NFATC1: variants seen among roughly 807,000 people sequenced by gnomAD.
NFATC1 encodes nuclear factor of activated T-cells, cytoplasmic 1.
Under a neutral mutation model 76.0 loss-of-function variants are expected in NFATC1, and 22 were observed. The ratio of observed to expected loss-of-function variants is 0.29; its 90% CI spans 0.21 to 0.41. The LOEUF (loss-of-function observed/expected upper bound fraction) is 0.41, where lower values mean the gene tolerates loss of function less well. NFATC1 is among the 10% of genes least tolerant of loss of function. The pLI is 1.00. For synonymous variants in NFATC1, 704 were observed against 613.1 expected (o/e 1.15, Z -2.19); for missense variants, 1,357 against 1,337.7 (o/e 1.01, Z -0.23).
At chr18:79,484,154 T>C (rs796713398) in intron 8 of NFATC1, among the ~76,000 whole-genome samples, 24 of 152,106 alleles carry the variant, frequency 1.6e-4, no homozygotes, top group African/African-American at 5.5e-4. Context: ...TCCCCTGCCC[T>C]GGGCACCACT....
chr18:79,473,177 A>G (rs1240119339), intron 8 of NFATC1, among the ~76,000 whole-genome samples: 1 of 152,232 alleles, frequency 6.6e-6, no homozygotes, highest in Non-Finnish European at 1.5e-5. Flanking sequence ...AGGGGTGAGA[A>G]TTCTGGGAGC....
rs138895324 is a variant in NFATC1 at position 79,481,251 on chromosome 18, G to A, written c.2093-4997G>A. ...GGGGCAGTTCCTGAGGCCCAGCTGCGTCCGCAGAGCTGGGGGCGCCATGGC... is the reference window on the plus strand; with the variant it reads ...GGGGCAGTTCCTGAGGCCCAGCTGCATCCGCAGAGCTGGGGGCGCCATGGC... On this transcript the variant is annotated intron_variant, in intron 8 of 9. Coordinates refer to ENST00000427363, the MANE Select transcript of NFATC1 (RefSeq NM_001278669.2). 1.6e-4 allele frequency among the ~76,000 whole-genome samples: 24 copies of A among 152,368 alleles called. No individual in the cohort carries two copies. In the East Asian group the frequency reaches 3.9e-3, roughly 25 times the overall value.
chr18:79,402,046 A>G (rs2085280881), intron 1 of NFATC1, among the ~76,000 whole-genome samples: 1 of 152,198 alleles, frequency 6.6e-6, no homozygotes. Flanking sequence ...GCTGTGCCAC[A>G]CTGGGCACTG....
Position 79,404,353 on chromosome 18 carries a change from G to A in NFATC1, c.128-6050G>A, listed in dbSNP as rs191122153. On this transcript the variant is annotated intron_variant, in intron 1 of 9. Transcript: ENST00000427363. ...GCTGGCAGATTGTTGGGGGAACGGC[G>A]TCTGGGAAGCTGTTGCTGTCTGTCA... is the stretch of plus-strand genomic sequence containing the variant. Among the ~76,000 whole-genome samples the A allele has an allele frequency of 6.6e-5, 10 of 152,356 alleles. No individual in the cohort carries two copies. The East Asian group carries it at 9.6e-4, about 15-fold the overall frequency.
chr18:79,521,000 TG>T (rs1227700152), intron 9 of NFATC1, among the ~76,000 whole-genome samples: 15 of 28,644 alleles, frequency 5.2e-4, no homozygotes, highest in Admixed American at 1.1e-3. Context: ...TCTGTGTGTG[TG>T]GGGGGGGGCA....
intron 2 of NFATC1, 35 bp downstream of exon 2, chr18:79,411,536 AGGGGAGGCGC>A (rs2085683733): frequency 1.6e-6 from 2 of 1,262,000 alleles, no homozygotes; most frequent in Non-Finnish European, 2.1e-6. Flanking sequence ...CGGGGAGGCG[AGGGGAGGCGC>A]GGGGCGGGGC....
chr18:79,504,853 C>T (rs1297701027), intron 9 of NFATC1, among the ~76,000 whole-genome samples: 2 of 137,534 alleles, frequency 1.5e-5, no homozygotes, highest in African/African-American at 5.8e-5. Flanking sequence ...GTGCTGGAGG[C>T]CCTTGGGTGA....
intron 9 of NFATC1, among the ~76,000 whole-genome samples, chr18:79,499,973 A>G (rs983410942): frequency 1.1e-4 from 16 of 152,204 alleles, no homozygotes; most frequent in Non-Finnish European, 2.4e-4. Context: ...CCCATAATAC[A>G]TGAAACAAGA....
At chr18:79,514,330 C>T (rs1279573046) in intron 9 of NFATC1, among the ~76,000 whole-genome samples, 3 of 151,978 alleles carry the variant, frequency 2.0e-5, no homozygotes, top group African/African-American at 7.2e-5. Flanking sequence ...GTCCCAGCTA[C>T]TTGAGAGGCT....
At chr18:79,498,077 G>GA (rs1241882081) in intron 9 of NFATC1, 1 of 130,822 alleles carries the variant, frequency 7.6e-6, no homozygotes, top group Non-Finnish European at 1.6e-5. Context: ...GGGGGGGGGG[G>GA]AATCTCATTT....
chr18:79,459,207 C>T (rs371119604), intron 6 of NFATC1, among the ~76,000 whole-genome samples: 4 of 152,380 alleles, frequency 2.6e-5, no homozygotes, highest in Admixed American at 1.3e-4. Context: ...GAGGCTGCTC[C>T]ATGGCAGCTG....
At chr18:79,438,511 G>C (rs1024504044) in intron 3 of NFATC1, among the ~76,000 whole-genome samples, 5 of 152,204 alleles carry the variant, frequency 3.3e-5, no homozygotes, top group Admixed American at 6.5e-5. Flanking sequence ...TAACCTGCCC[G>C]ATAGCATCTC....
chr18:79,526,067 C>T (rs6506775), intron 9 of NFATC1, among the ~76,000 whole-genome samples: 57,849 of 152,128 alleles, frequency 0.38, 11,605 homozygotes, highest in Non-Finnish European at 0.45. Context: ...GACCCCCACA[C>T]AGAACAGAGC....
chr18:79,514,173 G>T (rs2090325346), intron 9 of NFATC1, among the ~76,000 whole-genome samples: 1 of 152,088 alleles, frequency 6.6e-6, no homozygotes, highest in Non-Finnish European at 1.5e-5. Flanking sequence ...CAGCACAGTG[G>T]CTCACACCTG....
At chr18:79,461,473 C>G in intron 7 of NFATC1, 107 bp downstream of exon 7, 1 of 723,418 alleles carries the variant, frequency 1.4e-6, no homozygotes, top group Non-Finnish European at 2.0e-6. Context: ...GCTGGGGTTC[C>G]TGTTTCTTAG....
intron 2 of NFATC1, among the ~76,000 whole-genome samples, chr18:79,427,552 G>T (rs1272022053): frequency 1.7e-5 from 2 of 118,710 alleles, no homozygotes; most frequent in African/African-American, 3.4e-5. Context: ...GAGCTGGACG[G>T]CTGGCCTCTG....
chr18:79,436,322 G>A (rs2086774320), intron 3 of NFATC1, among the ~76,000 whole-genome samples: 1 of 152,224 alleles, frequency 6.6e-6, no homozygotes, highest in Admixed American at 6.5e-5. Flanking sequence ...AACTGGCGCG[G>A]GAGTTTCCTG....
chr18:79,425,180 T>TCTGTCTCTCTCTGTTTCTCTCC (rs2086271198), intron 2 of NFATC1, among the ~76,000 whole-genome samples: 2 of 94,224 alleles, frequency 2.1e-5, no homozygotes, highest in African/African-American at 5.6e-5. Flanking sequence ...CATCTGTCTC[T>TCTGTCTCTCTCTGTTTCTCTCC]CTGTCTCTGT....
chr18:79,402,230 A>G (rs1317090001), intron 1 of NFATC1: 1 of 596,914 alleles, frequency 1.7e-6, no homozygotes, highest in Non-Finnish European at 2.1e-6. Flanking sequence ...ACAGGAGGCC[A>G]GTCTCTGCCC....
Sources: allele counts gnomAD v4.1 joint callset (sites outside exome capture counted in the v4.1 genomes callset), GRCh38; gene constraint gnomAD v4.1.1; transcripts MANE v1.5; gene names NCBI Gene and HGNC (gene_info 2026-07-23, HGNC 2026-07-21).